The following GABRG3 variants were observed in gnomAD, a reference collection of about 807,000 sequenced individuals.
GABRG3 encodes gamma-aminobutyric acid type A receptor subunit gamma3.
Under a neutral mutation model 48.8 loss-of-function variants are expected in GABRG3, and 25 were observed. The ratio of observed to expected loss-of-function variants is 0.51; its 90% confidence interval spans 0.37 to 0.72. The LOEUF is 0.72. Among genes scored for constraint, GABRG3 ranks in the 30% least tolerant of loss-of-function variants. The probability of loss-of-function intolerance (pLI) is 0.00; values close to 1 mark genes in which losing one functional copy is unlikely to be tolerated. For missense variants in GABRG3, 394 were observed against 577.9 expected (o/e 0.68, Z 3.26); for synonymous variants, 227 against 217.6 (o/e 1.04, Z -0.38).
chr15:27,527,845 G>A, intron 8 of GABRG3, 88 bp from the exon 9 acceptor site: 3 of 1,170,896 alleles, frequency 2.6e-6, no homozygotes, highest in East Asian at 2.6e-5. Flanking sequence ...GCTTGGTTTA[G>A]TCATACCCTA....
intron 5 of GABRG3, among the ~76,000 whole-genome samples, chr15:27,456,039 T>C (rs1219498733): frequency 1.3e-5 from 2 of 152,138 alleles, no homozygotes; most frequent in Non-Finnish European, 2.9e-5. Context: ...GGGCCCACCC[T>C]TAGCTTTCTA....
intron 3 of GABRG3, among the ~76,000 whole-genome samples, chr15:27,201,226 C>T (rs774007871): frequency 5.3e-5 from 8 of 151,802 alleles, no homozygotes; most frequent in East Asian, 3.9e-4. Context: ...CACAGCTTCC[C>T]GCCCCTCAAG....
At chr15:27,090,714 T>A (rs1897170659) in intron 3 of GABRG3, among the ~76,000 whole-genome samples, 2 of 152,368 alleles carry the variant, frequency 1.3e-5, no homozygotes, top group Non-Finnish European at 2.9e-5. Context: ...TGTACTTCTT[T>A]GGCTAAAATT....
intron 5 of GABRG3, among the ~76,000 whole-genome samples, chr15:27,462,545 T>C (rs1019200254): frequency 6.6e-6 from 1 of 152,226 alleles, no homozygotes; most frequent in Non-Finnish European, 1.5e-5. Context: ...TATATAGTAT[T>C]AGAGATAAGT....
intron 1 of GABRG3, among the ~76,000 whole-genome samples, chr15:26,972,117 C>A (rs540213668): frequency 1.6e-4 from 24 of 152,188 alleles, no homozygotes; most frequent in Non-Finnish European, 7.4e-5. Context: ...CCCTGCTTGT[C>A]TGGGAGGACT....
At chr15:27,451,034 A>G (rs1889095799) in intron 5 of GABRG3, among the ~76,000 whole-genome samples, 4 of 152,202 alleles carry the variant, frequency 2.6e-5, no homozygotes, top group South Asian at 4.1e-4. Context: ...ATTAAAGAAG[A>G]CACAAATAAA....
At chr15:27,105,709 G>A (rs552231278) in intron 3 of GABRG3, among the ~76,000 whole-genome samples, 13 of 151,626 alleles carry the variant, frequency 8.6e-5, no homozygotes, top group Non-Finnish European at 1.8e-4. Context: ...GTGTAGATTG[G>A]TGCAGTCATT....
intron 5 of GABRG3, among the ~76,000 whole-genome samples, chr15:27,351,172 GTA>G (rs1399917571): frequency 2.1e-5 from 3 of 146,218 alleles, no homozygotes; most frequent in Non-Finnish European, 4.5e-5. Context: ...TGCGTATGGT[GTA>G]TTTGTGTGTA....
intron 5 of GABRG3, among the ~76,000 whole-genome samples, chr15:27,437,882 C>T (rs897163948): frequency 8.5e-5 from 13 of 152,058 alleles, no homozygotes; most frequent in Non-Finnish European, 1.5e-4. Context: ...GCAGAGATCC[C>T]ATGGTGAGAA....
chr15:27,316,672 T>A (rs146727758), intron 3 of GABRG3, among the ~76,000 whole-genome samples: 426 of 152,324 alleles, frequency 2.8e-3, no homozygotes, highest in African/African-American at 9.6e-3. Flanking sequence ...TTCCCCTGAA[T>A]GATGAGGAAT....
chr15:27,399,558 A>T (rs72705727), intron 5 of GABRG3, among the ~76,000 whole-genome samples: 8,643 of 152,320 alleles, frequency 0.057, 343 homozygotes, highest in South Asian at 0.2. Context: ...AAAAGGCACA[A>T]GCTTAAGCTT....
intron 5 of GABRG3, chr15:27,350,422 G>GT (rs1280022266): frequency 1.2e-5 from 4 of 321,818 alleles, no homozygotes; most frequent in South Asian, 7.9e-5. Context: ...TTGTTTCTTT[G>GT]TTTTTTCAAA....
chr15:27,453,929 C>T (rs1471073175), intron 5 of GABRG3, among the ~76,000 whole-genome samples: 2 of 152,160 alleles, frequency 1.3e-5, no homozygotes, highest in Admixed American at 6.5e-5. Flanking sequence ...TCTCCATTCC[C>T]TTGTCCAGCA....
At position 27,070,206 on chromosome 15, in the gene GABRG3, T is replaced by A. The variant is rs116818017; in HGVS notation, c.270+43385T>A. ...ACCTTTTGCAACAGCCTGAATGCAG[T>A]TTGGACCTTTCTCTGTATCTTCAGT... On this transcript the variant is annotated intron_variant, in intron 3 of 9. Transcript: ENST00000615808. 6.6e-3 allele frequency among the ~76,000 whole-genome samples: 1,005 copies of A among 152,342 alleles called. 10 individuals carry two copies. The highest frequency in any genetic ancestry group is 0.023 in the African/African-American group (973 of 41,582).
intron 6 of GABRG3, among the ~76,000 whole-genome samples, chr15:27,491,985 T>G (rs1181072657): frequency 6.6e-6 from 1 of 152,220 alleles, no homozygotes. Context: ...ATTTTATTTA[T>G]CAAAGCCTTG....
chr15:27,322,792 C>T (rs1216433449), intron 3 of GABRG3, among the ~76,000 whole-genome samples: 3 of 152,120 alleles, frequency 2.0e-5, no homozygotes, highest in Admixed American at 6.5e-5. Context: ...CCCTCTCAGT[C>T]GCATCCAGGG....
At chr15:27,141,093 GA>G (rs1898094310) in intron 3 of GABRG3, among the ~76,000 whole-genome samples, 1 of 152,152 alleles carries the variant, frequency 6.6e-6, no homozygotes, top group Admixed American at 6.5e-5. Flanking sequence ...GTTTTGGGTG[GA>G]ATAGTGGTGG....
intron 5 of GABRG3, among the ~76,000 whole-genome samples, chr15:27,406,526 A>C (rs1054266081): frequency 6.6e-6 from 1 of 152,186 alleles, no homozygotes; most frequent in Non-Finnish European, 1.5e-5. Context: ...TAAAACACTC[A>C]TGCACATGTT....
In GABRG3 at chr15:27,189,160, A is replaced by G. The variant is rs1403525558; in HGVS notation, c.271-137649A>G. On this transcript the variant is annotated intron_variant, in intron 3 of 9. Coordinates refer to ENST00000615808, the MANE Select transcript of GABRG3 (RefSeq NM_033223.5). ...GTAGTATAGTTTGAAGTCAGGTAGC[A>G]TGATGCCTCCAGCTTTGTTCTTTTG... 2.7e-3 allele frequency among the ~76,000 whole-genome samples: 409 copies of G among 151,716 alleles called. 3 individuals are homozygous for G. Among genetic ancestry groups the G allele is most frequent in the African/African-American group, 9.4e-3 (391 of 41,444 alleles).
Sources: allele counts gnomAD v4.1 joint callset (sites outside exome capture counted in the v4.1 genomes callset), GRCh38; gene constraint gnomAD v4.1.1; transcripts MANE v1.5; gene names NCBI Gene and HGNC (gene_info 2026-07-23, HGNC 2026-07-21).